ENKUR: variants seen among roughly 807,000 people sequenced by gnomAD.
ENKUR encodes enkurin.
ENKUR carries 19 observed loss-of-function variants against 27.6 expected under a neutral mutation model. The ratio of observed to expected loss-of-function variants is 0.69; its 90% CI spans 0.48 to 1.01. The LOEUF is 1.01. Ranked by LOEUF, ENKUR falls within the 50% of genes least tolerant of loss-of-function variation. The pLI is 0.00. For missense variants in ENKUR, 312 were observed against 310.5 expected, an observed-to-expected ratio of 1.00 and a Z score of -0.04; for synonymous variants, 117 against 96.9, an observed-to-expected ratio of 1.21 and a Z score of -1.22.
At chr10:24,989,446 G>T (rs7091416) in intron 4 of ENKUR, among the ~76,000 whole-genome samples, 1 of 152,260 alleles carries the variant, frequency 6.6e-6, no homozygotes, top group South Asian at 2.1e-4. Context: ...CCCAGCTAAC[G>T]ATCTACAATC....
At chr10:25,061,248 T>C in exon 2 of ENKUR, 1 of 1,041,706 alleles carries the variant, frequency 9.6e-7, no homozygotes, top group South Asian at 1.4e-5. Flanking sequence ...GCTATATGGT[T>C]GATGCTGCCA....
chr10:25,037,159 C>T (rs1851017811), intron 2 of ENKUR, among the ~76,000 whole-genome samples: 2 of 152,138 alleles, frequency 1.3e-5, no homozygotes, highest in South Asian at 2.1e-4. Flanking sequence ...CATGAGTGTA[C>T]ACTTTTCTGA....
chr10:25,046,237 T>C (rs1341459187), intron 2 of ENKUR, among the ~76,000 whole-genome samples: 3 of 152,166 alleles, frequency 2.0e-5, no homozygotes. Flanking sequence ...AGAAATTCTG[T>C]CTTTGCAAGG....
intron 1 of ENKUR, among the ~76,000 whole-genome samples, chr10:25,006,212 G>C (rs1279418517): frequency 6.6e-6 from 1 of 152,126 alleles, no homozygotes; most frequent in African/African-American, 2.4e-5. Flanking sequence ...AACTGCTTTT[G>C]TTTAGTTATG....
At chr10:25,028,646 A>G (rs915455520) in intron 2 of ENKUR, among the ~76,000 whole-genome samples, 4 of 152,216 alleles carry the variant, frequency 2.6e-5, no homozygotes, top group African/African-American at 9.6e-5. Flanking sequence ...TCCAATCAAG[A>G]TAAAGCTCTT....
At chr10:25,060,041 T>G (rs10828751) in intron 2 of ENKUR, among the ~76,000 whole-genome samples, 70,717 of 151,872 alleles carry the variant, frequency 0.47, 17,917 homozygotes, top group African/African-American at 0.67. Flanking sequence ...AGGTGAGTGG[T>G]TGTCTAATAT....
chr10:25,039,915 T>G (rs1054113210), intron 2 of ENKUR, among the ~76,000 whole-genome samples: 1 of 148,524 alleles, frequency 6.7e-6, no homozygotes, highest in Non-Finnish European at 1.5e-5. Context: ...AACCTGCACA[T>G]GTACCCTAGA....
At chr10:24,991,212 C>A (rs1340864921) in intron 3 of ENKUR, among the ~76,000 whole-genome samples, 1 of 151,984 alleles carries the variant, frequency 6.6e-6, no homozygotes, top group African/African-American at 2.4e-5. Flanking sequence ...TTTCTACCTT[C>A]TACGTTCTTC....
rs906215466 is a variant in ENKUR, at chr10:24,984,922, A to C, written c.595-17T>G. Reference sequence around the variant, plus strand: ...TTTCAGCCCCTGCAAATGGTCAAGAAACTTGTAAATACCAAAGCAAACTGC... The same window carrying C: ...TTTCAGCCCCTGCAAATGGTCAAGACACTTGTAAATACCAAAGCAAACTGC... On this transcript the variant is annotated splice_polypyrimidine_tract_variant and intron_variant, in intron 4 of 5. Coordinates refer to ENST00000331161, the MANE Select transcript of ENKUR (RefSeq NM_145010.4). The C allele has an allele frequency of 6.2e-7, 1 of 1,604,276 alleles. No homozygotes were observed. Among genetic ancestry groups the C allele is most frequent in the Admixed American group, 1.7e-5 (1 of 58,172 alleles).
chr10:25,015,718 TA>T, intron 1 of ENKUR, 141 bp downstream of exon 1: 1 of 742,850 alleles, frequency 1.3e-6, no homozygotes, highest in Non-Finnish European at 1.9e-6. Context: ...ACCTTTTCTC[TA>T]ACAAGTTATC....
chr10:25,039,864 G>A (rs1475880988), intron 2 of ENKUR, among the ~76,000 whole-genome samples: 1 of 151,444 alleles, frequency 6.6e-6, no homozygotes, highest in Non-Finnish European at 1.5e-5. Flanking sequence ...AAATAGCATG[G>A]GTGCAGCACA....
At chr10:25,052,212 A>G (rs144375885) in intron 2 of ENKUR, among the ~76,000 whole-genome samples, 17 of 152,292 alleles carry the variant, frequency 1.1e-4, no homozygotes, top group African/African-American at 4.1e-4. Context: ...TTAGTTGAGC[A>G]ATTTGATAAG....
intron 2 of ENKUR, among the ~76,000 whole-genome samples, chr10:25,056,557 C>T (rs139168872): frequency 3.3e-5 from 5 of 152,090 alleles, no homozygotes; most frequent in East Asian, 1.9e-4. Context: ...ACGTACTTAG[C>T]GTTTAGAAAT....
intron 1 of ENKUR, chr10:25,061,394 A>G: frequency 1.7e-5 from 8 of 467,656 alleles, no homozygotes; most frequent in Non-Finnish European, 3.0e-5. Context: ...AACAGTGCAC[A>G]GATGGCAAGG....
At chr10:25,026,294 G>A (rs149063344) in intron 2 of ENKUR, 1 of 166,742 alleles carries the variant, frequency 6.0e-6, no homozygotes, top group East Asian at 1.9e-4. Context: ...GATGTGTACG[G>A]TTAGGGTGAC....
Position 24,983,131 on chromosome 10 carries a change from C to G in ENKUR, c.*1239G>C, listed in dbSNP as rs1564332274. On this transcript the variant is annotated 3_prime_UTR_variant, in exon 6 of 6. Coordinates refer to ENST00000331161, the MANE Select transcript of ENKUR (RefSeq NM_145010.4). ...AGGAGACTGGGTCCCTGAGTGACTG[C>G]ATGGAACAGACTTATACCCCTACCC... is the stretch of plus-strand genomic sequence containing the variant. The G allele has an allele frequency of 1.3e-5, 2 of 152,218 alleles. No homozygotes were observed. Among genetic ancestry groups the G allele is most frequent in the Non-Finnish European group, 2.9e-5 (2 of 68,036 alleles). 9.4% of individuals were successfully genotyped at this position (152,218 alleles called of 1,614,324 possible). A position where few individuals can be genotyped will look rare whatever the true frequency, so the allele number is the denominator to read the frequency against.
intron 1 of ENKUR, among the ~76,000 whole-genome samples, chr10:25,000,137 C>T (rs1176884096): frequency 6.6e-6 from 1 of 152,022 alleles, no homozygotes; most frequent in African/African-American, 2.4e-5. Flanking sequence ...TTGGGATTTT[C>T]CAGATATCTA....
upstream of ENKUR, among the ~76,000 whole-genome samples, chr10:25,017,466 G>T (rs1174558934): frequency 6.6e-6 from 1 of 152,064 alleles, no homozygotes; most frequent in African/African-American, 2.4e-5. Flanking sequence ...CTTGAGTCTG[G>T]GTTTCTCACT....
At chr10:24,996,233 G>A (rs1159826440) in intron 2 of ENKUR, among the ~76,000 whole-genome samples, 5 of 152,114 alleles carry the variant, frequency 3.3e-5, no homozygotes, top group African/African-American at 9.7e-5. Context: ...GACCAGTCTC[G>A]GCAACACAGT....
Sources: gnomAD v4.1 joint callset for allele counts (sites outside exome capture counted in the v4.1 genomes callset) on GRCh38, gnomAD v4.1.1 for gene constraint, MANE v1.5 for transcripts, NCBI Gene and HGNC (gene_info 2026-07-23, HGNC 2026-07-21) for gene names.